Variants in NOX1 observed in about 807,000 individuals in gnomAD.
NOX1 encodes NADPH oxidase 1.
Under a neutral mutation model 42.5 loss-of-function variants are expected in NOX1, and 34 were observed. That is an observed-to-expected ratio of 0.80 (90% confidence interval 0.61 to 1.07). The LOEUF (loss-of-function observed/expected upper bound fraction) is 1.07, where lower values mean the gene tolerates loss of function less well. Among genes scored for constraint, NOX1 ranks in the 50% least tolerant of loss-of-function variants. NOX1 has a pLI of 0.00. For missense variants in NOX1, 408 were observed against 427.0 expected (o/e 0.96, Z 0.39); for synonymous variants, 143 against 152.5 (o/e 0.94, Z 0.46).
At chrX:100,867,475 G>A (rs984271095) in intron 2 of NOX1, among the ~76,000 whole-genome samples, 4 of 112,610 alleles carry the variant, frequency 3.6e-5, no homozygotes, top group South Asian at 7.3e-4. Context: ...GCATATCAAT[G>A]CAATGAATTG....
chrX:100,845,223 C>T (rs1205638035), intron 12 of NOX1, among the ~76,000 whole-genome samples: 1 of 110,923 alleles, frequency 9.0e-6, no homozygotes, highest in Non-Finnish European at 1.9e-5. Context: ...TTCCTCCCAA[C>T]TACCCTGTCC....
Position 100,862,705 on chromosome X carries a change from C to T in NOX1, c.453G>A (p.Gly151=), listed in dbSNP as rs781163179. ...ACTGGATGGGATTTAGCCAAGAACC[C>T]CCCTTTTTCTCATCATGAGATAGGC... ...LSSLSHDEKK[G]GSWLNPIQSR... The change falls in exon 5 of 13, where the codon GGG becomes GGA. Residue 151 remains glycine, a synonymous_variant. Transcript: ENST00000372966. 13 of 1,193,192 alleles carry T rather than the reference C, an allele frequency of 1.1e-5. No homozygotes were observed. The highest frequency in any genetic ancestry group is 1.8e-5 in the African/African-American group (1 of 56,127).
chrX:100,855,205 G>A (rs1373344386), intron 7 of NOX1: 17 of 470,456 alleles, frequency 3.6e-5, no homozygotes. Context: ...CACTGTGTTT[G>A]GCTGAGTTCA....
At chrX:100,861,766 T>C (rs955058371) in intron 7 of NOX1, among the ~76,000 whole-genome samples, 1 of 112,140 alleles carries the variant, frequency 8.9e-6, no homozygotes, top group Non-Finnish European at 1.9e-5. Flanking sequence ...AGCTTGTCAG[T>C]TTACTTAATC....
intron 12 of NOX1, among the ~76,000 whole-genome samples, chrX:100,847,082 G>A (rs2085078687): frequency 8.9e-6 from 1 of 111,935 alleles, no homozygotes; most frequent in Non-Finnish European, 1.9e-5. Context: ...CCAGCTACTC[G>A]GGAGGCTGAG....
At chrX:100,852,657 G>A (rs2085123093) in intron 7 of NOX1, among the ~76,000 whole-genome samples, 1 of 111,747 alleles carries the variant, frequency 8.9e-6, no homozygotes, top group Non-Finnish European at 1.9e-5. Flanking sequence ...TTAAGCTGGT[G>A]CAAGCAAATA....
intron 12 of NOX1, among the ~76,000 whole-genome samples, chrX:100,844,903 A>G (rs1322525657): frequency 8.9e-6 from 1 of 112,021 alleles, no homozygotes; most frequent in Non-Finnish European, 1.9e-5. Context: ...CATTAAACCC[A>G]TCCACTGTGA....
Position 100,863,016 on chromosome X carries a change from TC to T in NOX1, c.337+142del, listed in dbSNP as rs755788653. Reference sequence around the variant, plus strand: ...GTTCCCAAAGGAATAGAACTTAAGCTCCATGAAAACAGGCCAAGAACAGTGC... The same window carrying T: ...GTTCCCAAAGGAATAGAACTTAAGCTCATGAAAACAGGCCAAGAACAGTGC... On this transcript the variant is annotated intron_variant, in intron 4 of 12. Coordinates refer to ENST00000372966, the MANE Select transcript of NOX1 (RefSeq NM_007052.5). The T allele has an allele frequency of 4.2e-4, 255 of 608,932 alleles. No individual in the cohort carries two copies. The East Asian group carries it at 8.1e-3, about 19-fold the overall frequency. The allele number at this position is 608,932 out of a possible 1,213,427, so 50.2% of individuals were successfully genotyped here.
Position 100,853,037 on chromosome X carries a change from A to G in NOX1, c.805-1712T>C, listed in dbSNP as rs1256964019. 2.7e-5 allele frequency among the ~76,000 whole-genome samples: 3 copies of G among 111,900 alleles called. No individual in the cohort carries two copies. The Admixed American group carries it at 2.8e-4, about 11-fold the overall frequency. On this transcript the variant is annotated intron_variant, in intron 7 of 12. Coordinates refer to ENST00000372966, the MANE Select transcript of NOX1 (RefSeq NM_007052.5). ...ACATCTTCCCAGAGAGCAGTTGAGC[A>G]GTATGTCTCAATAGCCTCAAAAGCA...
rs935127592 is a variant in NOX1, at chrX:100,843,451, G to A, written c.*501C>T. On this transcript the variant is annotated 3_prime_UTR_variant, in exon 13 of 13. Transcript: ENST00000372966. ...CACTGTTGGTGTTATATGGGGATGGGGTTCTCGGTAATTTTGTTTATTATT... is the reference window on the plus strand; with the variant it reads ...CACTGTTGGTGTTATATGGGGATGGAGTTCTCGGTAATTTTGTTTATTATT... 9.0e-7 allele frequency: 1 copy of A among 1,105,185 alleles called. No homozygotes were observed. The highest frequency in any genetic ancestry group is 1.2e-6 in the Non-Finnish European group (1 of 849,175). The allele number at this position is 1,105,185 out of a possible 1,213,427, so 91.1% of individuals were successfully genotyped here.
chrX:100,862,337 A>G (rs1273852733), intron 6 of NOX1, 34 bp from the exon 7 acceptor site: 2 of 1,209,130 alleles, frequency 1.7e-6, no homozygotes, highest in African/African-American at 3.5e-5. Context: ...TTTGGGACAA[A>G]GAATTATGCA....
intron 7 of NOX1, among the ~76,000 whole-genome samples, chrX:100,859,943 A>G (rs1044816438): frequency 9.1e-6 from 1 of 110,165 alleles, no homozygotes; most frequent in Non-Finnish European, 1.9e-5. Context: ...ATATATGTAT[A>G]TGGTACAAAA....
intron 2 of NOX1, among the ~76,000 whole-genome samples, chrX:100,870,305 C>A (rs2085266249): frequency 9.1e-6 from 1 of 109,518 alleles, no homozygotes; most frequent in African/African-American, 3.3e-5. Context: ...GAGCACTGCC[C>A]AGTTAGCCTT....
At chrX:100,871,890 T>C (rs1404917134) in intron 1 of NOX1, among the ~76,000 whole-genome samples, 1 of 112,074 alleles carries the variant, frequency 8.9e-6, no homozygotes, top group African/African-American at 3.2e-5. Context: ...AAGTGTGATA[T>C]TGGAGTCAAG....
intron 8 of NOX1, among the ~76,000 whole-genome samples, chrX:100,850,775 C>T (rs930518966): frequency 3.6e-5 from 4 of 111,498 alleles, no homozygotes; most frequent in South Asian, 3.8e-4. Context: ...CTGATGATTT[C>T]GGCCAAGCCC....
At chrX:100,847,671 C>T (rs1209511390) in intron 12 of NOX1, among the ~76,000 whole-genome samples, 1 of 103,404 alleles carries the variant, frequency 9.7e-6, no homozygotes, top group Non-Finnish European at 1.9e-5. Flanking sequence ...GAGGCTGAGG[C>T]AGGAGAATCG....
In NOX1 at chrX:100,858,392, G is replaced by T. The variant is rs150247902; in HGVS notation, c.804+3779C>A. Among the ~76,000 whole-genome samples the T allele has an allele frequency of 5.9e-3, 659 of 111,566 alleles. 7 individuals carry two copies. The highest frequency in any genetic ancestry group is 0.02 in the African/African-American group (623 of 30,722). The stretch of plus-strand genomic sequence containing the variant: ...CTCCAGCTTTGTTCTTTTTGCTTAG[G>T]ATTGCCTTGGCTATTTGGGCTCTTT... On this transcript the variant is annotated intron_variant, in intron 7 of 12. Transcript: ENST00000372966.
intron 7 of NOX1, among the ~76,000 whole-genome samples, chrX:100,854,952 A>AT (rs1396765094): frequency 2.0e-4 from 10 of 50,708 alleles, no homozygotes; most frequent in African/African-American, 1.7e-3. Flanking sequence ...TACACAGCAC[A>AT]TTAAAAAAAA....
At position 100,854,053 on chromosome X, in the gene NOX1, G is replaced by A. The variant is rs772871207; in HGVS notation, c.805-2728C>T. ...AGCTACTTGGGAAGCTGAGGCAGGA[G>A]AATCACTTGAACCCAGGAGGCAGAG... On this transcript the variant is annotated intron_variant, in intron 7 of 12. Coordinates refer to ENST00000372966, the MANE Select transcript of NOX1 (RefSeq NM_007052.5). 2.7e-5 allele frequency among the ~76,000 whole-genome samples: 3 copies of A among 111,147 alleles called. No homozygotes were observed. In the East Asian group the frequency reaches 8.7e-4, roughly 32 times the overall value.
Sources: gnomAD v4.1 joint callset for allele counts (sites outside exome capture counted in the v4.1 genomes callset) on GRCh38, gnomAD v4.1.1 for gene constraint, MANE v1.5 for transcripts, NCBI Gene and HGNC (gene_info 2026-07-23, HGNC 2026-07-21) for gene names.